Variants in USP25 observed in about 807,000 individuals in gnomAD.
USP25 encodes ubiquitin specific peptidase 25, also known as ubiquitin carboxyl-terminal hydrolase 25.
USP25 carries 85 observed loss-of-function variants against 158.5 expected under a neutral mutation model. The ratio of observed to expected loss-of-function variants is 0.54; its 90% CI spans 0.45 to 0.64. The LOEUF is 0.64. Among genes scored for constraint, USP25 ranks in the 30% least tolerant of loss-of-function variants. The pLI is 0.00. For synonymous variants in USP25, 464 were observed against 460.4 expected (o/e 1.01, Z -0.10); for missense variants, 1,242 against 1,327.3 (o/e 0.94, Z 1.00).
At chr21:15,864,872 C>T (rs377308642) in intron 21 of USP25, among the ~76,000 whole-genome samples, 5 of 152,060 alleles carry the variant, frequency 3.3e-5, no homozygotes, top group African/African-American at 9.7e-5. Context: ...CAAAATATCT[C>T]CAGGTATTGC....
chr21:15,813,939 A>G (rs143648794), intron 9 of USP25, among the ~76,000 whole-genome samples: 1 of 151,446 alleles, frequency 6.6e-6, no homozygotes, highest in African/African-American at 2.4e-5. Context: ...CCGAATCTCA[A>G]CTTGATTGTA....
At chr21:15,735,175 A>G (rs2031365816) in intron 1 of USP25, among the ~76,000 whole-genome samples, 1 of 152,146 alleles carries the variant, frequency 6.6e-6, no homozygotes, top group Non-Finnish European at 1.5e-5. Context: ...TACTATTTTA[A>G]ATATGTTTCT....
In USP25 at chr21:15,847,729, G is replaced by T; in HGVS notation, c.2404G>T (p.Val802Leu). The T allele has an allele frequency of 6.5e-7, 1 of 1,550,186 alleles. No homozygotes were observed. The highest frequency in any genetic ancestry group is 8.7e-7 in the Non-Finnish European group (1 of 1,146,668). ...AGTTGTAGAGGTGGCGATCCCTCAT[G>T]TAGGGAAATTTATGATTGAATCAAA... is the stretch of plus-strand genomic sequence containing the variant. Reference protein sequence around the residue: ...QRVVEVAIPHVGKFMIESKEG... With the variant: ...QRVVEVAIPHLGKFMIESKEG... Residue 802 changes from valine (V) to leucine (L), a missense_variant, in exon 19 of 26, where the codon GTA becomes TTA. Val to Leu is a conservative substitution (Grantham distance 32). Coordinates refer to ENST00000400183, the MANE Select transcript of USP25 (RefSeq NM_001283041.3).
chr21:15,747,633 A>G (rs1012019764), intron 1 of USP25, among the ~76,000 whole-genome samples: 6 of 152,166 alleles, frequency 3.9e-5, no homozygotes, highest in Non-Finnish European at 7.3e-5. Flanking sequence ...GTCTTTTTCA[A>G]AATATCCGAT....
intron 1 of USP25, among the ~76,000 whole-genome samples, chr21:15,760,152 T>C (rs1568769292): frequency 1.3e-5 from 2 of 152,248 alleles, no homozygotes; most frequent in South Asian, 4.1e-4. Context: ...AAAAAATTCA[T>C]TTCCCAATCT....
intron 10 of USP25, among the ~76,000 whole-genome samples, chr21:15,823,005 G>C (rs538940980): frequency 2.0e-4 from 31 of 152,120 alleles, no homozygotes; most frequent in African/African-American, 7.2e-4. Context: ...CAACTTTCCA[G>C]ATCCTCCTCA....
rs149426773 is a variant in USP25 at position 15,797,472 on chromosome 21, T to C, written c.556-2285T>C. 2.0e-5 allele frequency among the ~76,000 whole-genome samples: 3 copies of C among 151,414 alleles called. No individual in the cohort carries two copies. The East Asian group carries it at 5.8e-4, about 29-fold the overall frequency. On this transcript the variant is annotated intron_variant, in intron 5 of 25. Transcript: ENST00000400183. Reference sequence around the variant, plus strand: ...AAGTCACACATAAGCAGAAATAATGTCTTTAAAGTGCTAGAAATAAATAAC... The same window carrying C: ...AAGTCACACATAAGCAGAAATAATGCCTTTAAAGTGCTAGAAATAAATAAC...
intron 3 of USP25, among the ~76,000 whole-genome samples, chr21:15,771,778 G>T (rs2034370480): frequency 6.6e-6 from 1 of 151,138 alleles, no homozygotes; most frequent in Non-Finnish European, 1.5e-5. Flanking sequence ...TTTCCCTTCA[G>T]TTACTCCTGC....
intron 9 of USP25, among the ~76,000 whole-genome samples, chr21:15,812,076 TGTTTC>T (rs1244275762): frequency 6.6e-6 from 1 of 151,764 alleles, no homozygotes; most frequent in Admixed American, 6.6e-5. Context: ...CGTTTTTGTT[TGTTTC>T]AAGTGGTAAC....
In USP25 at chr21:15,842,429, G is replaced by A. The variant is rs1321654368; in HGVS notation, c.2226G>A (p.Glu742=). The A allele has an allele frequency of 1.9e-6, 3 of 1,613,500 alleles. No individual in the cohort carries two copies. Among genetic ancestry groups the A allele is most frequent in the Admixed American group, 3.3e-5 (2 of 59,914 alleles). The change falls in exon 18 of 26, where the codon GAG becomes GAA. Residue 742 remains glutamate (E), a synonymous_variant. Coordinates refer to ENST00000400183, the MANE Select transcript of USP25 (RefSeq NM_001283041.3). The part of the protein sequence containing the change: ...AQAAGDPEYL[E]QPSRSDFSKH... Reference sequence around the variant, plus strand: ...CAGCAGGAGACCCAGAATATCTAGAGCAGCCATCAAGAAGTGATTTCTCAA... The same window carrying A: ...CAGCAGGAGACCCAGAATATCTAGAACAGCCATCAAGAAGTGATTTCTCAA...
At chr21:15,787,655 C>T (rs2035352973) in intron 4 of USP25, among the ~76,000 whole-genome samples, 1 of 151,922 alleles carries the variant, frequency 6.6e-6, no homozygotes, top group African/African-American at 2.4e-5. Flanking sequence ...TTAGTTTGAT[C>T]CCAATTAAAA....
At chr21:15,805,857 A>G (rs894266520) in intron 7 of USP25, among the ~76,000 whole-genome samples, 2 of 152,236 alleles carry the variant, frequency 1.3e-5, no homozygotes, top group Admixed American at 1.3e-4. Flanking sequence ...GTTCAAAAAG[A>G]TAGCGGCAAT....
chr21:15,877,810 A>G lies in USP25; in HGVS notation c.3024A>G (p.Gln1008=). The part of the protein sequence containing the change: ...RRECLLKLNE[Q]AAELFESGED... ...ATTGCATTAAGAAATTAAATGAGCA[A>G]GCCGCAGAACTCTTCGAATCTGGAG... is the stretch of plus-strand genomic sequence containing the variant. Residue 1008 remains glutamine (Q), a synonymous_variant, in exon 25 of 26, where the codon CAA becomes CAG. Coordinates refer to ENST00000400183, the MANE Select transcript of USP25 (RefSeq NM_001283041.3). 3 of 1,602,284 alleles carry G rather than the reference A, an allele frequency of 1.9e-6. No homozygotes were observed. Among genetic ancestry groups the G allele is most frequent in the Non-Finnish European group, 2.6e-6 (3 of 1,176,384 alleles).
intron 4 of USP25, among the ~76,000 whole-genome samples, chr21:15,784,333 G>T (rs906815655): frequency 5.3e-5 from 8 of 152,194 alleles, no homozygotes; most frequent in African/African-American, 1.9e-4. Flanking sequence ...AGCACTTTCG[G>T]AGGCTGAGGC....
In USP25 at chr21:15,849,016, C is replaced by G. The variant is rs183698976; in HGVS notation, c.2452-761C>G. On this transcript the variant is annotated intron_variant, in intron 19 of 25. Transcript: ENST00000400183. ...CAAAAAAAATGCTTAAGTATTTGTA[C>G]TTAATGGCTCTACATTGTTCTAGTT... Among the ~76,000 whole-genome samples, 418 of 152,158 alleles carry G rather than the reference C, an allele frequency of 2.7e-3. 3 individuals are homozygous for G. Among genetic ancestry groups the G allele is most frequent in the African/African-American group, 9.7e-3 (404 of 41,480 alleles).
intron 3 of USP25, among the ~76,000 whole-genome samples, chr21:15,772,074 A>G (rs1446144589): frequency 1.3e-5 from 2 of 152,176 alleles, no homozygotes; most frequent in Admixed American, 6.5e-5. Flanking sequence ...GGTTCAAGTA[A>G]GATTCACTTA....
chr21:15,796,143 C>T lies in USP25; in HGVS notation c.556-3614C>T, dbSNP rs559735102. Among the ~76,000 whole-genome samples the T allele has an allele frequency of 2.6e-5, 4 of 151,716 alleles. No homozygotes were observed. In the South Asian group the frequency reaches 6.2e-4, roughly 24 times the overall value. On this transcript the variant is annotated intron_variant, in intron 5 of 25. Coordinates refer to ENST00000400183, the MANE Select transcript of USP25 (RefSeq NM_001283041.3). ...TTCAGGTGCATTAATCAAAAACACT[C>T]TTCAGGCAGTAAAAGTTACCCTTTC... is the stretch of plus-strand genomic sequence containing the variant.
chr21:15,842,861 C>A (rs967974332), intron 18 of USP25, among the ~76,000 whole-genome samples: 2 of 152,164 alleles, frequency 1.3e-5, no homozygotes, highest in African/African-American at 2.4e-5. Context: ...TCCTGTCTCT[C>A]ACCCATTCCT....
At chr21:15,812,691 G>C (rs1276514079) in intron 9 of USP25, among the ~76,000 whole-genome samples, 1 of 152,086 alleles carries the variant, frequency 6.6e-6, no homozygotes, top group East Asian at 1.9e-4. Flanking sequence ...CAGTGTTGAA[G>C]TCTTTGTACT....
Sources: gnomAD v4.1 joint callset for allele counts (sites outside exome capture counted in the v4.1 genomes callset) on GRCh38, gnomAD v4.1.1 for gene constraint, MANE v1.5 for transcripts, NCBI Gene and HGNC (gene_info 2026-07-23, HGNC 2026-07-21) for gene names.